SGCZ: variants seen among roughly 807,000 people sequenced by gnomAD.
SGCZ encodes zeta-sarcoglycan.
SGCZ carries 40 observed loss-of-function variants against 41.3 expected under a neutral mutation model. That is an observed-to-expected ratio of 0.97 (90% CI 0.75 to 1.26). The LOEUF (loss-of-function observed/expected upper bound fraction) is 1.26, where lower values mean the gene tolerates loss of function less well. Among genes scored for constraint, SGCZ ranks in the 50% most tolerant of loss-of-function variants. The pLI, the probability that SGCZ is intolerant of heterozygous loss-of-function variation, is 0.00. For synonymous variants in SGCZ, 206 were observed against 137.5 expected (o/e 1.50, Z -3.49); for missense variants, 552 against 369.8 (o/e 1.49, Z -4.04).
intron 1 of SGCZ, among the ~76,000 whole-genome samples, chr8:14,743,822 G>A (rs1387597471): frequency 6.6e-6 from 1 of 152,070 alleles, no homozygotes; most frequent in Non-Finnish European, 1.5e-5. Context: ...TCATGCTCAT[G>A]TACTAAAAAA....
At position 14,687,171 on chromosome 8, in the gene SGCZ, A is replaced by AAATAT. The variant is rs1554480726; in HGVS notation, c.40-132246_40-132245insATATT. Among the ~76,000 whole-genome samples the AAATAT allele has an allele frequency of 1.1e-4, 16 of 141,328 alleles. 1 individual carries two copies. The highest frequency in any genetic ancestry group is 7.1e-4 in the Admixed American group (10 of 14,136). The allele number at this position is 141,328 out of a possible 152,430, so 92.7% of individuals were successfully genotyped here. ...TTTTACTCACTTTAAAGAAAAAAAA[A>AAATAT]ATATATATATATATATATATTTTAA... On this transcript the variant is annotated intron_variant, in intron 1 of 7. Transcript: ENST00000382080.
At chr8:14,936,743 T>A (rs113799932) in intron 1 of SGCZ, among the ~76,000 whole-genome samples, 1 of 151,922 alleles carries the variant, frequency 6.6e-6, no homozygotes, top group African/African-American at 2.4e-5. Flanking sequence ...ATTAGAGTGG[T>A]TAAATACAAA....
Position 14,753,020 on chromosome 8 carries a change from G to A in SGCZ, c.40-198094C>T, listed in dbSNP as rs149007874. Among the ~76,000 whole-genome samples, 65 of 151,868 alleles carry A rather than the reference G, an allele frequency of 4.3e-4. 3 individuals are homozygous for A. The East Asian group carries it at 9.5e-3, about 22-fold the overall frequency. The stretch of plus-strand genomic sequence containing the variant: ...TGTTTTCATTCTATGGAAACTCTCC[G>A]TACTGTAATTTTCATTCTATGGAAA... On this transcript the variant is annotated intron_variant, in intron 1 of 7. Coordinates refer to ENST00000382080, the MANE Select transcript of SGCZ (RefSeq NM_139167.4).
chr8:14,580,180 C>T (rs1024486206), intron 1 of SGCZ, among the ~76,000 whole-genome samples: 1 of 152,036 alleles, frequency 6.6e-6, no homozygotes, highest in Non-Finnish European at 1.5e-5. Context: ...GCAAATGCAG[C>T]CTAAGAGTAA....
chr8:14,380,760 G>T lies in SGCZ; in HGVS notation c.235-56556C>A, dbSNP rs757733140. Among the ~76,000 whole-genome samples the T allele has an allele frequency of 3.3e-5, 5 of 152,150 alleles. No individual in the cohort carries two copies. The East Asian group carries it at 9.7e-4, about 29-fold the overall frequency. On this transcript the variant is annotated intron_variant, in intron 2 of 7. Coordinates refer to ENST00000382080, the MANE Select transcript of SGCZ (RefSeq NM_139167.4). ...CCAGCTACTCGCTACTTGGAAGGCC[G>T]AGGTAGGAGAATCACTTGAACCCAG...
intron 1 of SGCZ, among the ~76,000 whole-genome samples, chr8:15,212,391 T>G (rs1801260944): frequency 6.6e-6 from 1 of 152,094 alleles, no homozygotes; most frequent in Non-Finnish European, 1.5e-5. Context: ...GCCCAACATT[T>G]TTTAAAAAAT....
chr8:15,012,606 A>AATAT (rs1563436079), intron 1 of SGCZ, among the ~76,000 whole-genome samples: 9 of 109,522 alleles, frequency 8.2e-5, no homozygotes, highest in African/African-American at 3.4e-4. Context: ...ATATTTATAT[A>AATAT]ATACATATAT....
Position 14,634,711 on chromosome 8 carries a change from C to T in SGCZ, c.40-79785G>A, listed in dbSNP as rs76245206. Among the ~76,000 whole-genome samples the T allele has an allele frequency of 1.0e-3, 153 of 151,902 alleles. 1 individual carries two copies. The East Asian group carries it at 0.023, about 22-fold the overall frequency. On this transcript the variant is annotated intron_variant, in intron 1 of 7. Transcript: ENST00000382080. Reference sequence around the variant, plus strand: ...GACAAGAATGAAGGACTCTCAGACACATACGGAAATCACAAAATTCCATAA... The same window carrying T: ...GACAAGAATGAAGGACTCTCAGACATATACGGAAATCACAAAATTCCATAA...
At chr8:15,012,209 T>C (rs925816705) in intron 1 of SGCZ, among the ~76,000 whole-genome samples, 15 of 152,024 alleles carry the variant, frequency 9.9e-5, no homozygotes, top group South Asian at 4.1e-4. Flanking sequence ...ATGCCTGTAA[T>C]ACCCGCATTT....
At chr8:14,806,785 G>T (rs1186523280) in intron 1 of SGCZ, among the ~76,000 whole-genome samples, 1 of 151,996 alleles carries the variant, frequency 6.6e-6, no homozygotes, top group Non-Finnish European at 1.5e-5. Context: ...CCAAAAAAGA[G>T]AATTTTAGAC....
intron 5 of SGCZ, among the ~76,000 whole-genome samples, chr8:14,137,216 T>A (rs13263774): frequency 0.35 from 52,933 of 152,110 alleles, 11,677 homozygotes; most frequent in Non-Finnish European, 0.5. Flanking sequence ...ACTACAAAGA[T>A]GGGGAGAAAC....
chr8:14,757,240 G>C (rs962386133), intron 1 of SGCZ, among the ~76,000 whole-genome samples: 6 of 152,092 alleles, frequency 3.9e-5, no homozygotes, highest in African/African-American at 1.4e-4. Context: ...GTAGAGATGG[G>C]GTTTCACTAT....
At chr8:14,105,836 CTT>C (rs1351629206) in intron 6 of SGCZ, among the ~76,000 whole-genome samples, 1 of 152,010 alleles carries the variant, frequency 6.6e-6, no homozygotes, top group Middle Eastern at 3.2e-3. Context: ...TCTTATTCCT[CTT>C]TTAACAAGAC....
intron 1 of SGCZ, among the ~76,000 whole-genome samples, chr8:15,015,149 G>A (rs946513185): frequency 6.6e-6 from 1 of 151,978 alleles, no homozygotes; most frequent in Non-Finnish European, 1.5e-5. Flanking sequence ...AGGCTGAGGT[G>A]GAAGGATTGC....
intron 2 of SGCZ, among the ~76,000 whole-genome samples, chr8:14,407,297 G>C (rs1422845519): frequency 6.6e-6 from 1 of 151,900 alleles, no homozygotes; most frequent in Non-Finnish European, 1.5e-5. Flanking sequence ...ACGAACTCTT[G>C]ACCTCAAGCG....
chr8:14,336,658 G>A (rs189294161), intron 2 of SGCZ, among the ~76,000 whole-genome samples: 24 of 152,020 alleles, frequency 1.6e-4, no homozygotes, highest in Admixed American at 7.2e-4. Context: ...GATATCTCAC[G>A]GTGGTTTACA....
chr8:14,922,944 T>A (rs1276188175), intron 1 of SGCZ, among the ~76,000 whole-genome samples: 3 of 152,236 alleles, frequency 2.0e-5, no homozygotes, highest in Non-Finnish European at 4.4e-5. Context: ...CTCATAAAGT[T>A]TTCTCATCAG....
intron 1 of SGCZ, among the ~76,000 whole-genome samples, chr8:14,654,490 T>C (rs1304589930): frequency 6.6e-6 from 1 of 152,102 alleles, no homozygotes; most frequent in Non-Finnish European, 1.5e-5. Context: ...TCTTAGAAAA[T>C]TGCCAATATG....
intron 3 of SGCZ, among the ~76,000 whole-genome samples, chr8:14,310,745 T>C (rs1225155580): frequency 6.6e-6 from 1 of 152,162 alleles, no homozygotes; most frequent in Non-Finnish European, 1.5e-5. Context: ...GTACTTCTTA[T>C]TGCAAGACAG....
Sources: allele counts gnomAD v4.1 joint callset (sites outside exome capture counted in the v4.1 genomes callset), GRCh38; gene constraint gnomAD v4.1.1; transcripts MANE v1.5; gene names NCBI Gene and HGNC (gene_info 2026-07-23, HGNC 2026-07-21).